KHDRBS3: variants seen among roughly 807,000 people sequenced by gnomAD.
KHDRBS3 encodes KH domain-containing, RNA-binding, signal transduction-associated protein 3.
In KHDRBS3, 23 loss-of-function variants were observed where a neutral mutation model predicts 45.6. The observed-to-expected ratio is 0.50, with a 90% confidence interval of 0.36 to 0.72. The LOEUF is 0.72. Among genes scored for constraint, KHDRBS3 ranks in the 30% least tolerant of loss-of-function variants. KHDRBS3 has a pLI of 0.00. For synonymous variants in KHDRBS3, 162 were observed against 156.5 expected (o/e 1.04, Z -0.26); for missense variants, 352 against 424.8 (o/e 0.83, Z 1.51).
chr8:135,638,967 CAAAAA>C (rs35677198), intron 7 of KHDRBS3, among the ~76,000 whole-genome samples: 1 of 92,302 alleles, frequency 1.1e-5, no homozygotes, highest in Non-Finnish European at 2.2e-5. Context: ...GACTCCGTCT[CAAAAA>C]AAAAAAAAAA....
intron 2 of KHDRBS3, among the ~76,000 whole-genome samples, chr8:135,534,748 C>T (rs914981845): frequency 6.6e-6 from 1 of 152,160 alleles, no homozygotes; most frequent in African/African-American, 2.4e-5. Flanking sequence ...GTTTGTCTGA[C>T]TCTGCATCTC....
At chr8:135,633,629 A>C (rs1313216331) in intron 7 of KHDRBS3, among the ~76,000 whole-genome samples, 1 of 152,182 alleles carries the variant, frequency 6.6e-6, no homozygotes, top group East Asian at 1.9e-4. Context: ...ACTAATTTAT[A>C]AGAGGAAAGG....
chr8:135,617,398 C>T (rs1278812026), intron 7 of KHDRBS3, among the ~76,000 whole-genome samples: 1 of 152,072 alleles, frequency 6.6e-6, no homozygotes, highest in Non-Finnish European at 1.5e-5. Context: ...CTGCCTCAGC[C>T]TCCCAGGTAG....
At chr8:135,614,163 G>T (rs181071070) in intron 7 of KHDRBS3, among the ~76,000 whole-genome samples, 15 of 151,956 alleles carry the variant, frequency 9.9e-5, no homozygotes, top group Middle Eastern at 3.4e-3. Context: ...ACTATGAAGA[G>T]AAATATAAAC....
chr8:135,461,827 A>T (rs1456437419), intron 1 of KHDRBS3, among the ~76,000 whole-genome samples: 1 of 152,246 alleles, frequency 6.6e-6, no homozygotes, highest in Admixed American at 6.5e-5. Context: ...AGTGGAGCTG[A>T]GGATTCAAGA....
chr8:135,606,042 G>T (rs1192092095), intron 6 of KHDRBS3, among the ~76,000 whole-genome samples: 1 of 151,964 alleles, frequency 6.6e-6, no homozygotes, highest in Non-Finnish European at 1.5e-5. Flanking sequence ...TATTTCTTGT[G>T]CATTGCTATT....
At chr8:135,549,675 ATTTAT>A (rs1319771942) in intron 4 of KHDRBS3, 4 of 152,206 alleles carry the variant, frequency 2.6e-5, no homozygotes, top group African/African-American at 9.6e-5. Context: ...TCTGCAGACA[ATTTAT>A]TTTAGAGAAG....
intron 1 of KHDRBS3, among the ~76,000 whole-genome samples, chr8:135,499,357 C>T (rs1415150409): frequency 1.3e-5 from 2 of 152,174 alleles, no homozygotes; most frequent in African/African-American, 4.8e-5. Context: ...ATTAATTTTG[C>T]TAAAGTTACG....
At chr8:135,478,597 G>A (rs1032331222) in intron 1 of KHDRBS3, among the ~76,000 whole-genome samples, 1 of 152,190 alleles carries the variant, frequency 6.6e-6, no homozygotes, top group East Asian at 1.9e-4. Flanking sequence ...AAGCCTCAGT[G>A]AGTTTTAAAG....
intron 1 of KHDRBS3, among the ~76,000 whole-genome samples, chr8:135,512,962 C>T (rs1482543561): frequency 1.3e-5 from 2 of 152,094 alleles, no homozygotes; most frequent in Admixed American, 1.3e-4. Context: ...CCTGTAATCC[C>T]AGCACTTTGG....
At chr8:135,509,715 A>G (rs558688627) in intron 1 of KHDRBS3, among the ~76,000 whole-genome samples, 27 of 152,172 alleles carry the variant, frequency 1.8e-4, no homozygotes, top group Non-Finnish European at 2.2e-4. Context: ...CTTTCCTGTC[A>G]TAATGCCTTT....
chr8:135,579,306 A>G (rs968513448), intron 5 of KHDRBS3, among the ~76,000 whole-genome samples: 2 of 152,168 alleles, frequency 1.3e-5, no homozygotes, highest in African/African-American at 4.8e-5. Context: ...AGTTGCTCAC[A>G]ATTCAATATG....
At chr8:135,510,760 T>C (rs1408013819) in intron 1 of KHDRBS3, among the ~76,000 whole-genome samples, 2 of 152,184 alleles carry the variant, frequency 1.3e-5, no homozygotes, top group Non-Finnish European at 2.9e-5. Context: ...TGGTAGTCTC[T>C]AGTTCCAGGT....
chr8:135,574,173 A>G (rs552211266), intron 5 of KHDRBS3, among the ~76,000 whole-genome samples: 11 of 109,584 alleles, frequency 1.0e-4, no homozygotes, highest in African/African-American at 3.3e-4. Context: ...TCATGTTAGC[A>G]CGTCACCTCC....
chr8:135,597,069 T>C (rs1386811637), intron 6 of KHDRBS3, among the ~76,000 whole-genome samples: 1 of 152,176 alleles, frequency 6.6e-6, no homozygotes, highest in Non-Finnish European at 1.5e-5. Flanking sequence ...AGATGGATAA[T>C]TTATAAAAGA....
At chr8:135,470,244 C>T (rs1310862516) in intron 1 of KHDRBS3, among the ~76,000 whole-genome samples, 1 of 152,072 alleles carries the variant, frequency 6.6e-6, no homozygotes, top group African/African-American at 2.4e-5. Flanking sequence ...TCTTTCCTCC[C>T]GTGGCTTTTA....
chr8:135,613,535 A>C (rs1217018423), intron 7 of KHDRBS3, among the ~76,000 whole-genome samples: 5 of 151,672 alleles, frequency 3.3e-5, no homozygotes, highest in Non-Finnish European at 7.4e-5. Context: ...GATGGTTTGC[A>C]TAGGGAGGTA....
At chr8:135,564,666 CTA>C (rs1343040848) in intron 5 of KHDRBS3, among the ~76,000 whole-genome samples, 2 of 152,120 alleles carry the variant, frequency 1.3e-5, no homozygotes, top group East Asian at 3.9e-4. Context: ...CCAGACTGGT[CTA>C]TGTCTTGACC....
At chr8:135,607,381 A>C (rs944980833) in intron 7 of KHDRBS3, among the ~76,000 whole-genome samples, 1 of 152,210 alleles carries the variant, frequency 6.6e-6, no homozygotes, top group Non-Finnish European at 1.5e-5. Flanking sequence ...AGTATCCTAC[A>C]TTGTCAGTGC....
Sources: gnomAD v4.1 joint callset for allele counts (sites outside exome capture counted in the v4.1 genomes callset) on GRCh38, gnomAD v4.1.1 for gene constraint, MANE v1.5 for transcripts, NCBI Gene and HGNC (gene_info 2026-07-23, HGNC 2026-07-21) for gene names.